Variants in ANO10 observed in about 807,000 individuals in gnomAD.
ANO10 encodes the protein anoctamin 10.
A neutral mutation model predicts 74.7 loss-of-function variants in ANO10; 77 were observed. The observed-to-expected ratio is 1.03, with a 90% CI of 0.86 to 1.25. The LOEUF is 1.25. Among genes scored for constraint, ANO10 ranks in the 50% most tolerant of loss-of-function variants. ANO10 has a pLI of 0.00. For synonymous variants in ANO10, 279 were observed against 284.9 expected (o/e 0.98, Z 0.21); for missense variants, 721 against 778.1 (o/e 0.93, Z 0.87).
intron 12 of ANO10, among the ~76,000 whole-genome samples, chr3:43,414,655 G>A (rs901875537): frequency 6.6e-6 from 1 of 152,184 alleles, no homozygotes; most frequent in Non-Finnish European, 1.5e-5. Flanking sequence ...GGACTCACAG[G>A]TTTGGGAGGG....
intron 1 of ANO10, among the ~76,000 whole-genome samples, chr3:43,683,900 C>T (rs2084237260): frequency 6.6e-6 from 1 of 152,108 alleles, no homozygotes. Context: ...AAACTGGAAC[C>T]CTTCCTTACA....
chr3:43,529,116 T>C (rs2078340100), intron 11 of ANO10, among the ~76,000 whole-genome samples: 1 of 152,136 alleles, frequency 6.6e-6, no homozygotes, highest in African/African-American at 2.4e-5. Flanking sequence ...ATTACACTAA[T>C]ATTAAACACT....
At chr3:43,628,114 G>A (rs1029439859) in intron 1 of ANO10, among the ~76,000 whole-genome samples, 1 of 152,074 alleles carries the variant, frequency 6.6e-6, no homozygotes, top group Non-Finnish European at 1.5e-5. Flanking sequence ...CTCCTTTCTT[G>A]TCTTGTTTCT....
At chr3:43,547,950 G>T (rs960903192) in intron 11 of ANO10, among the ~76,000 whole-genome samples, 2 of 152,200 alleles carry the variant, frequency 1.3e-5, no homozygotes, top group Non-Finnish European at 2.9e-5. Flanking sequence ...CCAAGAGCTG[G>T]CTCATGAGAG....
At chr3:43,486,627 T>A (rs1489520523) in intron 11 of ANO10, among the ~76,000 whole-genome samples, 1 of 142,482 alleles carries the variant, frequency 7.0e-6, no homozygotes, top group African/African-American at 2.6e-5. Context: ...TGTATAAGAA[T>A]GCTTGTGATT....
intron 4 of ANO10, among the ~76,000 whole-genome samples, chr3:43,590,514 G>A (rs2081684623): frequency 6.6e-6 from 1 of 151,868 alleles, no homozygotes; most frequent in Non-Finnish European, 1.5e-5. Flanking sequence ...AGAAGATACA[G>A]CATCACCTAA....
At chr3:43,465,099 A>G (rs2075557446) in intron 11 of ANO10, among the ~76,000 whole-genome samples, 1 of 152,222 alleles carries the variant, frequency 6.6e-6, no homozygotes, top group African/African-American at 2.4e-5. Context: ...TGTACAGAGT[A>G]AATCCTAAGT....
At chr3:43,385,586 A>G (rs2092092002) in intron 12 of ANO10, among the ~76,000 whole-genome samples, 1 of 152,224 alleles carries the variant, frequency 6.6e-6, no homozygotes, top group Admixed American at 6.5e-5. Flanking sequence ...ATAAAAAGAA[A>G]CGAAATAATG....
chr3:43,598,522 A>C lies in ANO10; in HGVS notation c.472+10T>G. ...TATTAAGAAAAAGACTGGTTGACAT[A>C]ATGACTTACACAATGATTTTCCTGG... On this transcript the variant is annotated intron_variant, in intron 4 of 12. Coordinates refer to ENST00000292246, the MANE Select transcript of ANO10 (RefSeq NM_018075.5). The C allele has an allele frequency of 6.2e-7, 1 of 1,612,580 alleles. No homozygotes were observed. The highest frequency in any genetic ancestry group is 1.1e-5 in the South Asian group (1 of 90,770).
intron 11 of ANO10, among the ~76,000 whole-genome samples, chr3:43,474,615 A>C (rs1370011197): frequency 1.3e-5 from 2 of 152,264 alleles, no homozygotes; most frequent in Non-Finnish European, 2.9e-5. Flanking sequence ...TTTAAAAAGA[A>C]TGAATGTATA....
At chr3:43,372,723 C>T in intron 12 of ANO10, 1 of 851,264 alleles carries the variant, frequency 1.2e-6, no homozygotes, top group Non-Finnish European at 1.9e-6. Context: ...AATGTTCTAT[C>T]CTACCTGGTA....
intron 11 of ANO10, among the ~76,000 whole-genome samples, chr3:43,538,014 A>T (rs2078792214): frequency 6.6e-6 from 1 of 152,212 alleles, no homozygotes; most frequent in South Asian, 2.1e-4. Flanking sequence ...GAACAAATAC[A>T]ACATATCAAA....
intron 11 of ANO10, among the ~76,000 whole-genome samples, chr3:43,468,795 C>G (rs1398574680): frequency 6.6e-6 from 1 of 151,568 alleles, no homozygotes; most frequent in Non-Finnish European, 1.5e-5. Context: ...ACTGCAACCT[C>G]CGCCTCCTGG....
At chr3:43,574,680 T>A in intron 7 of ANO10, 129 bp downstream of exon 7, 1 of 750,254 alleles carries the variant, frequency 1.3e-6, no homozygotes, top group South Asian at 1.6e-5. Flanking sequence ...TATTAATCAA[T>A]CCTTGCCTAT....
At chr3:43,560,912 C>A (rs1220700158) in intron 9 of ANO10, among the ~76,000 whole-genome samples, 1 of 152,218 alleles carries the variant, frequency 6.6e-6, no homozygotes, top group African/African-American at 2.4e-5. Flanking sequence ...TCTTCAGGGA[C>A]CATCTCTCCC....
chr3:43,545,062 C>T (rs549243106), intron 11 of ANO10, among the ~76,000 whole-genome samples: 119 of 151,964 alleles, frequency 7.8e-4, no homozygotes, highest in African/African-American at 2.6e-3. Context: ...ATTGCTTTTT[C>T]CATCAAGACG....
intron 1 of ANO10, among the ~76,000 whole-genome samples, chr3:43,683,298 G>C (rs1193019048): frequency 6.6e-6 from 1 of 152,116 alleles, no homozygotes; most frequent in Admixed American, 6.6e-5. Flanking sequence ...CAGACAAACT[G>C]AGAGCCAAAT....
chr3:43,573,815 A>T (rs951414255), intron 7 of ANO10, among the ~76,000 whole-genome samples: 26 of 152,166 alleles, frequency 1.7e-4, no homozygotes, highest in Admixed American at 5.2e-4. Flanking sequence ...AACAAAAAAA[A>T]TTTTTTTTAA....
intron 12 of ANO10, among the ~76,000 whole-genome samples, chr3:43,424,235 T>C (rs1033268782): frequency 3.3e-5 from 5 of 152,238 alleles, no homozygotes; most frequent in Non-Finnish European, 5.9e-5. Context: ...GTTATGACAC[T>C]GAAAGGGATC....
Sources: gnomAD v4.1 joint callset for allele counts (sites outside exome capture counted in the v4.1 genomes callset) on GRCh38, gnomAD v4.1.1 for gene constraint, MANE v1.5 for transcripts, NCBI Gene and HGNC (gene_info 2026-07-23, HGNC 2026-07-21) for gene names.